Variants in SLCO6A1 observed in about 807,000 individuals in gnomAD.
SLCO6A1 encodes solute carrier organic anion transporter family member 6A1.
Under a neutral mutation model 72.7 loss-of-function variants are expected in SLCO6A1, and 65 were observed. That is an observed-to-expected ratio of 0.89 (90% CI 0.73 to 1.10). SLCO6A1 has a LOEUF of 1.10. Ranked by LOEUF, SLCO6A1 falls within the 50% of genes least tolerant of loss-of-function variation. The pLI, the probability that SLCO6A1 is intolerant of heterozygous loss-of-function variation, is 0.00. For missense variants in SLCO6A1, 874 were observed against 872.6 expected (o/e 1.00, Z -0.02); for synonymous variants, 314 against 298.2 (o/e 1.05, Z -0.55).
chr5:102,454,687 A>G (rs1021887699), intron 6 of SLCO6A1, among the ~76,000 whole-genome samples: 3 of 151,910 alleles, frequency 2.0e-5, no homozygotes, highest in Non-Finnish European at 2.9e-5. Flanking sequence ...CTGGCAGTAA[A>G]CTTAAAACAA....
intron 10 of SLCO6A1, chr5:102,391,307 C>T (rs554831637): frequency 4.1e-5 from 17 of 413,428 alleles, no homozygotes; most frequent in Non-Finnish European, 5.7e-5. Flanking sequence ...TCTTCCCCAG[C>T]TCCCATTCCT....
chr5:102,381,568 T>C (rs1746107169), intron 12 of SLCO6A1, among the ~76,000 whole-genome samples: 1 of 151,796 alleles, frequency 6.6e-6, no homozygotes, highest in African/African-American at 2.4e-5. Context: ...ACATATTGAT[T>C]TCATTACCTT....
intron 6 of SLCO6A1, among the ~76,000 whole-genome samples, chr5:102,445,111 G>A (rs1425049259): frequency 2.0e-5 from 3 of 152,118 alleles, no homozygotes; most frequent in Admixed American, 2.0e-4. Context: ...TGGGTCAAAT[G>A]GTAGTTCTGT....
intron 7 of SLCO6A1, among the ~76,000 whole-genome samples, chr5:102,423,401 T>A (rs1031394650): frequency 2.6e-5 from 4 of 151,992 alleles, no homozygotes; most frequent in African/African-American, 7.3e-5. Context: ...AAGACACACA[T>A]AGGCTCAAAA....
At chr5:102,468,574 A>G (rs1268770286) in intron 4 of SLCO6A1, among the ~76,000 whole-genome samples, 2 of 151,978 alleles carry the variant, frequency 1.3e-5, no homozygotes, top group Non-Finnish European at 2.9e-5. Flanking sequence ...ACTTTTTATC[A>G]TTTTATAATA....
chr5:102,399,731 A>G lies in SLCO6A1; in HGVS notation c.1638T>C (p.Asn546=). The G allele has an allele frequency of 6.4e-7, 1 of 1,573,678 alleles. No homozygotes were observed. Among genetic ancestry groups the G allele is most frequent in the Non-Finnish European group, 8.7e-7 (1 of 1,155,868 alleles). Reference sequence around the variant, plus strand: ...TTAATCCTTCTTTAATGCAAGAACAATTGTAGTACATCTGTGAGTATTGAA... The same window carrying G: ...TTAATCCTTCTTTAATGCAAGAACAGTTGTAGTACATCTGTGAGTATTGAA... ...KAQNQKKMYY[N]CSCIKEGLIT... is the part of the protein sequence containing the mutation. Residue 546 remains asparagine, a synonymous_variant, in exon 10 of 14, where the codon AAT becomes AAC. Transcript: ENST00000506729.
At chr5:102,491,342 T>G (rs150281864) in intron 1 of SLCO6A1, among the ~76,000 whole-genome samples, 1 of 152,232 alleles carries the variant, frequency 6.6e-6, no homozygotes, top group African/African-American at 2.4e-5. Flanking sequence ...GTGGATCCCC[T>G]ACCGGGGCCG....
chr5:102,487,995 A>G (rs572441366), intron 1 of SLCO6A1, among the ~76,000 whole-genome samples: 32 of 152,306 alleles, frequency 2.1e-4, no homozygotes, highest in African/African-American at 7.5e-4. Context: ...AACTATTAAT[A>G]ATAATACTTA....
At chr5:102,378,828 C>T (rs537970904) in intron 12 of SLCO6A1, among the ~76,000 whole-genome samples, 1 of 152,142 alleles carries the variant, frequency 6.6e-6, no homozygotes, top group East Asian at 1.9e-4. Context: ...GTCACCCAGG[C>T]GGGAGTGCAG....
At chr5:102,489,375 ATATT>A (rs1254131203) in intron 1 of SLCO6A1, among the ~76,000 whole-genome samples, 6 of 152,238 alleles carry the variant, frequency 3.9e-5, no homozygotes, top group Non-Finnish European at 8.8e-5. Flanking sequence ...ATTACCCAGA[ATATT>A]TAAGGAACTC....
intron 1 of SLCO6A1, among the ~76,000 whole-genome samples, chr5:102,487,029 C>T (rs35177830): frequency 0.15 from 23,453 of 152,016 alleles, 2,315 homozygotes; most frequent in East Asian, 0.34. Context: ...TGTCCTTCTG[C>T]TAATGGGGTG....
intron 7 of SLCO6A1, among the ~76,000 whole-genome samples, chr5:102,429,717 T>G (rs958313402): frequency 6.6e-6 from 1 of 152,178 alleles, no homozygotes; most frequent in Non-Finnish European, 1.5e-5. Context: ...CCCCGTAGTA[T>G]AGTCTGAAGT....
intron 6 of SLCO6A1, among the ~76,000 whole-genome samples, chr5:102,449,342 G>A (rs1019343518): frequency 6.6e-6 from 1 of 151,786 alleles, no homozygotes; most frequent in Non-Finnish European, 1.5e-5. Context: ...TATGTCTCTT[G>A]GGGATAGTCA....
chr5:102,426,981 A>G (rs919966072), intron 7 of SLCO6A1, among the ~76,000 whole-genome samples: 7 of 152,088 alleles, frequency 4.6e-5, no homozygotes, highest in Non-Finnish European at 7.4e-5. Flanking sequence ...CATGGATAAA[A>G]CTGGAAACCA....
chr5:102,442,926 A>G (rs537430715), intron 6 of SLCO6A1, among the ~76,000 whole-genome samples: 275 of 152,248 alleles, frequency 1.8e-3, no homozygotes, highest in Non-Finnish European at 3.0e-3. Context: ...GGCTGGGTGC[A>G]GTGGCTCACG....
intron 7 of SLCO6A1, among the ~76,000 whole-genome samples, chr5:102,430,770 C>A (rs994905901): frequency 3.3e-5 from 5 of 151,886 alleles, no homozygotes; most frequent in African/African-American, 1.2e-4. Context: ...TTTTGTTGGT[C>A]TCTTCCAGGT....
At chr5:102,457,161 C>G (rs1049380653) in intron 6 of SLCO6A1, among the ~76,000 whole-genome samples, 3 of 151,958 alleles carry the variant, frequency 2.0e-5, no homozygotes, top group Non-Finnish European at 4.4e-5. Flanking sequence ...AGAAGAAAAC[C>G]TAGGCAATAC....
At chr5:102,411,372 C>T (rs1166407972) in intron 9 of SLCO6A1, among the ~76,000 whole-genome samples, 1 of 152,094 alleles carries the variant, frequency 6.6e-6, no homozygotes, top group Non-Finnish European at 1.5e-5. Flanking sequence ...TCAGGCAATC[C>T]TCCCACCTCA....
At chr5:102,490,234 TAA>T (rs1447345489) in intron 1 of SLCO6A1, among the ~76,000 whole-genome samples, 1 of 152,142 alleles carries the variant, frequency 6.6e-6, no homozygotes, top group South Asian at 2.1e-4. Context: ...AAAATAGCTA[TAA>T]GAGAGCATTT....
Sources: gnomAD v4.1 joint callset for allele counts (sites outside exome capture counted in the v4.1 genomes callset) on GRCh38, gnomAD v4.1.1 for gene constraint, MANE v1.5 for transcripts, NCBI Gene and HGNC (gene_info 2026-07-23, HGNC 2026-07-21) for gene names.